The following DNER variants were observed in gnomAD, a reference collection of about 807,000 sequenced individuals.
The protein encoded by DNER is delta and Notch-like epidermal growth factor-related receptor.
DNER carries 33 observed loss-of-function variants against 78.2 expected under a neutral mutation model. That is an observed-to-expected ratio of 0.42 (90% confidence interval 0.32 to 0.56). The LOEUF is 0.56. Among genes scored for constraint, DNER ranks in the 20% least tolerant of loss-of-function variants. DNER has a pLI of 0.11. For synonymous variants in DNER, 417 were observed against 384.8 expected (o/e 1.08, Z -0.98); for missense variants, 918 against 975.3 (o/e 0.94, Z 0.78).
intron 4 of DNER, among the ~76,000 whole-genome samples, chr2:229,584,580 G>A (rs2154214410): frequency 6.6e-6 from 1 of 152,290 alleles, no homozygotes; most frequent in East Asian, 1.9e-4. Context: ...CCAAGCAAGA[G>A]GCAGTGGGTC....
At chr2:229,385,076 T>G (rs1018299875) in intron 11 of DNER, among the ~76,000 whole-genome samples, 6 of 147,786 alleles carry the variant, frequency 4.1e-5, no homozygotes, top group African/African-American at 1.5e-4. Context: ...TACTCCAGTC[T>G]GGGCAACAGA....
At chr2:229,686,938 T>A (rs1329027793) in intron 1 of DNER, among the ~76,000 whole-genome samples, 2 of 152,202 alleles carry the variant, frequency 1.3e-5, no homozygotes, top group Admixed American at 1.3e-4. Context: ...AATCTTTACA[T>A]AACTTAAAGG....
intron 6 of DNER, among the ~76,000 whole-genome samples, chr2:229,509,483 C>T (rs1695818478): frequency 6.6e-6 from 1 of 152,196 alleles, no homozygotes; most frequent in South Asian, 2.1e-4. Context: ...AAAACTGATC[C>T]AGGTCCTGCC....
intron 1 of DNER, among the ~76,000 whole-genome samples, chr2:229,678,023 T>C (rs1257043238): frequency 6.6e-6 from 1 of 152,222 alleles, no homozygotes; most frequent in Admixed American, 6.5e-5. Context: ...ATTGCACTCA[T>C]ATTTGCTCTT....
chr2:229,457,694 A>C (rs1694606157), intron 7 of DNER, among the ~76,000 whole-genome samples: 1 of 151,644 alleles, frequency 6.6e-6, no homozygotes, highest in South Asian at 2.1e-4. Flanking sequence ...AGGTAGACTT[A>C]GATCCAATCA....
At chr2:229,698,844 G>C (rs1365033097) in intron 1 of DNER, among the ~76,000 whole-genome samples, 1 of 152,008 alleles carries the variant, frequency 6.6e-6, no homozygotes, top group Non-Finnish European at 1.5e-5. Context: ...CTCATTATGA[G>C]GCTTTTCTAC....
At chr2:229,463,816 G>C (rs1404656307) in intron 7 of DNER, among the ~76,000 whole-genome samples, 1 of 152,196 alleles carries the variant, frequency 6.6e-6, no homozygotes, top group Non-Finnish European at 1.5e-5. Flanking sequence ...CTGACTCTCA[G>C]AGAGCTCATT....
chr2:229,453,817 A>G (rs1460354940), intron 7 of DNER, among the ~76,000 whole-genome samples: 3 of 151,918 alleles, frequency 2.0e-5, no homozygotes, highest in African/African-American at 7.3e-5. Context: ...GACCAGGGAC[A>G]GATAAATGGA....
At chr2:229,628,916 C>T (rs537729570) in intron 1 of DNER, among the ~76,000 whole-genome samples, 263 of 152,314 alleles carry the variant, frequency 1.7e-3, no homozygotes, top group African/African-American at 5.9e-3. Context: ...ACTGCTTCCC[C>T]TAACATATTT....
chr2:229,559,227 C>T (rs979471221), intron 4 of DNER, among the ~76,000 whole-genome samples: 1 of 152,176 alleles, frequency 6.6e-6, no homozygotes, highest in Non-Finnish European at 1.5e-5. Context: ...TAGTTAGAAA[C>T]ATCATGGCTG....
intron 8 of DNER, among the ~76,000 whole-genome samples, chr2:229,433,980 C>A (rs529478680): frequency 6.6e-6 from 1 of 152,246 alleles, no homozygotes; most frequent in South Asian, 2.1e-4. Flanking sequence ...CATAAACAAT[C>A]TAAGGTAACA....
At chr2:229,623,029 C>CCTG (rs977185971) in intron 1 of DNER, among the ~76,000 whole-genome samples, 4 of 152,170 alleles carry the variant, frequency 2.6e-5, no homozygotes, top group Non-Finnish European at 5.9e-5. Flanking sequence ...GTTTGTGCCA[C>CCTG]CTGCTCATCC....
intron 5 of DNER, among the ~76,000 whole-genome samples, chr2:229,518,894 T>C (rs973210780): frequency 6.6e-6 from 1 of 152,190 alleles, no homozygotes. Flanking sequence ...TGCCACAGTT[T>C]TGCTAGTCTT....
chr2:229,705,003 C>A (rs1462346881), intron 1 of DNER, among the ~76,000 whole-genome samples: 1 of 152,106 alleles, frequency 6.6e-6, no homozygotes, highest in African/African-American at 2.4e-5. Context: ...GAAAATTAAC[C>A]ACAAGGTTTT....
At chr2:229,686,798 CT>C (rs1699490120) in intron 1 of DNER, among the ~76,000 whole-genome samples, 1 of 152,170 alleles carries the variant, frequency 6.6e-6, no homozygotes, top group South Asian at 2.1e-4. Context: ...AAACAGGTGG[CT>C]TTAATTGTAG....
At chr2:229,426,451 A>C (rs1297410842) in intron 8 of DNER, among the ~76,000 whole-genome samples, 1 of 148,944 alleles carries the variant, frequency 6.7e-6, no homozygotes, top group Non-Finnish European at 1.5e-5. Context: ...AAAAAAAAAA[A>C]AAAAAAAAAA....
chr2:229,599,894 T>C (rs1023269906), intron 1 of DNER, among the ~76,000 whole-genome samples: 6 of 152,254 alleles, frequency 3.9e-5, no homozygotes, highest in African/African-American at 1.2e-4. Flanking sequence ...GTATATTTAC[T>C]GGAGGATGGA....
intron 7 of DNER, among the ~76,000 whole-genome samples, 195 bp downstream of exon 7, chr2:229,476,945 A>C (rs1415599176): frequency 2.0e-5 from 3 of 152,110 alleles, no homozygotes; most frequent in African/African-American, 7.2e-5. Context: ...GATTATGTCT[A>C]ATATTCAAAT....
chr2:229,681,523 T>C (rs952039015), intron 1 of DNER, among the ~76,000 whole-genome samples: 10 of 152,056 alleles, frequency 6.6e-5, no homozygotes, highest in Non-Finnish European at 4.4e-5. Flanking sequence ...ACTCACAAAA[T>C]AGTTTCATTT....
Sources: gnomAD v4.1 joint callset for allele counts (sites outside exome capture counted in the v4.1 genomes callset) on GRCh38, gnomAD v4.1.1 for gene constraint, MANE v1.5 for transcripts, NCBI Gene and HGNC (gene_info 2026-07-23, HGNC 2026-07-21) for gene names.